The following TSPAN5 variants were observed in gnomAD, a reference collection of about 807,000 sequenced individuals.
TSPAN5 encodes the protein tetraspanin 5.
In TSPAN5, 10 loss-of-function variants were observed where a neutral mutation model predicts 37.1. The observed-to-expected ratio is 0.27, with a 90% CI of 0.17 to 0.46. The LOEUF (loss-of-function observed/expected upper bound fraction) is 0.46, where lower values mean the gene tolerates loss of function less well. Ranked by LOEUF, TSPAN5 falls within the 20% of genes least tolerant of loss-of-function variation. The pLI is 1.00. For synonymous variants in TSPAN5, 110 were observed against 118.9 expected (o/e 0.93, Z 0.48); for missense variants, 195 against 326.6 (o/e 0.60, Z 3.11).
intron 1 of TSPAN5, among the ~76,000 whole-genome samples, chr4:98,634,899 T>C (rs1054210467): frequency 6.6e-6 from 1 of 152,232 alleles, no homozygotes; most frequent in African/African-American, 2.4e-5. Flanking sequence ...GGGTTGGAAC[T>C]GAAATGGATC....
At chr4:98,478,534 G>A (rs1752757040) in intron 5 of TSPAN5, 151 bp downstream of exon 5, 1 of 873,516 alleles carries the variant, frequency 1.1e-6, no homozygotes, top group Non-Finnish European at 1.8e-6. Flanking sequence ...CTCCTACTAG[G>A]AAGATTTGAG....
intron 1 of TSPAN5, among the ~76,000 whole-genome samples, chr4:98,619,455 T>C (rs528386527): frequency 6.6e-6 from 1 of 152,344 alleles, no homozygotes; most frequent in South Asian, 2.1e-4. Flanking sequence ...GTGATGTTTA[T>C]GATATAAGCA....
intron 1 of TSPAN5, among the ~76,000 whole-genome samples, chr4:98,654,379 A>T (rs1377912520): frequency 6.6e-6 from 1 of 152,242 alleles, no homozygotes; most frequent in Non-Finnish European, 1.5e-5. Flanking sequence ...GCCAGAATCC[A>T]AAAGGGCAAA....
At chr4:98,658,087 G>A in intron 1 of TSPAN5, 59 bp downstream of exon 1, 1 of 1,464,078 alleles carries the variant, frequency 6.8e-7, no homozygotes, top group Non-Finnish European at 9.6e-7. Flanking sequence ...CAACGTGGGG[G>A]AAATCGTCGC....
rs193921080 is a variant in TSPAN5, at chr4:98,486,749, G to A, written c.268C>T (p.Leu90Phe). 1 of 1,614,040 alleles carries A rather than the reference G, an allele frequency of 6.2e-7. No individual in the cohort carries two copies. The highest frequency in any genetic ancestry group is 8.5e-7 in the Non-Finnish European group (1 of 1,180,002). ...AGTGGAATACTTACAAACTTGAGAA[G>A]GAAAGTGTTTTCCCGTAGCGCTCCA... is the stretch of plus-strand genomic sequence containing the variant. ...CIGALRENTF[L>F]LKFFSVFLGI... Residue 90 changes from leucine (L) to phenylalanine (F), a missense_variant, in exon 3 of 8, where the codon CTT (leucine) becomes TTT (phenylalanine). Transcript: ENST00000305798.
intron 4 of TSPAN5, among the ~76,000 whole-genome samples, chr4:98,480,029 T>C (rs1008370954): frequency 2.0e-5 from 3 of 152,286 alleles, no homozygotes; most frequent in East Asian, 1.9e-4. Flanking sequence ...TTGTTGGCAC[T>C]GCGTGACCAG....
At chr4:98,550,570 G>T in intron 1 of TSPAN5, among the ~76,000 whole-genome samples, 1 of 143,810 alleles carries the variant, frequency 7.0e-6, no homozygotes, top group South Asian at 2.2e-4. Context: ...TCGGTGTTTT[G>T]TAGTTCACCT....
At chr4:98,641,281 C>T (rs74648815) in intron 1 of TSPAN5, among the ~76,000 whole-genome samples, 3,330 of 152,238 alleles carry the variant, frequency 0.022, 127 homozygotes, top group African/African-American at 0.076. Context: ...AGGTTATGTT[C>T]GTCACCACAG....
intron 2 of TSPAN5, among the ~76,000 whole-genome samples, chr4:98,505,096 C>T (rs1276531264): frequency 6.6e-6 from 1 of 152,068 alleles, no homozygotes; most frequent in African/African-American, 2.4e-5. Flanking sequence ...GCCAAAGCTT[C>T]ACCTCCAAAT....
chr4:98,562,661 A>AAAAAC (rs371373013), intron 1 of TSPAN5, among the ~76,000 whole-genome samples: 9,815 of 151,084 alleles, frequency 0.065, 365 homozygotes, highest in South Asian at 0.15. Context: ...CTCTGTCTCA[A>AAAAAC]AAAACAAAAC....
At chr4:98,648,749 C>T (rs1019829968) in intron 1 of TSPAN5, among the ~76,000 whole-genome samples, 8 of 152,270 alleles carry the variant, frequency 5.3e-5, no homozygotes, top group Non-Finnish European at 1.2e-4. Context: ...AGCTCTCCCA[C>T]ACATCCCCTC....
intron 1 of TSPAN5, among the ~76,000 whole-genome samples, chr4:98,553,177 C>T (rs935168210): frequency 9.2e-5 from 14 of 152,148 alleles, no homozygotes; most frequent in Non-Finnish European, 1.6e-4. Flanking sequence ...TGTTAGATAA[C>T]ACTAGTATAA....
chr4:98,576,121 T>A (rs1755230844), intron 1 of TSPAN5, among the ~76,000 whole-genome samples: 3 of 151,806 alleles, frequency 2.0e-5, no homozygotes, highest in African/African-American at 4.9e-5. Context: ...CAGCCTCTGA[T>A]AACTTAGGTT....
At chr4:98,619,017 CAG>C (rs891663847) in intron 1 of TSPAN5, among the ~76,000 whole-genome samples, 6 of 152,180 alleles carry the variant, frequency 3.9e-5, no homozygotes, top group African/African-American at 7.2e-5. Context: ...CTAAATTCTA[CAG>C]AGAGTATTAA....
At chr4:98,536,579 C>T (rs1371758922) in intron 1 of TSPAN5, among the ~76,000 whole-genome samples, 2 of 152,262 alleles carry the variant, frequency 1.3e-5, no homozygotes, top group African/African-American at 4.8e-5. Context: ...ACATTTAAGT[C>T]TGCTGAAGCT....
At chr4:98,479,320 T>C (rs1578933026) in intron 4 of TSPAN5, among the ~76,000 whole-genome samples, 1 of 152,168 alleles carries the variant, frequency 6.6e-6, no homozygotes, top group African/African-American at 2.4e-5. Flanking sequence ...CCTGAAACTA[T>C]TGCTATGGAA....
intron 1 of TSPAN5, among the ~76,000 whole-genome samples, chr4:98,543,144 G>C (rs183340809): frequency 3.9e-5 from 6 of 152,232 alleles, no homozygotes; most frequent in African/African-American, 1.4e-4. Flanking sequence ...AAAATAAAAT[G>C]TGTAAAGTAT....
intron 1 of TSPAN5, among the ~76,000 whole-genome samples, chr4:98,556,420 C>T (rs940456331): frequency 7.9e-5 from 12 of 152,038 alleles, no homozygotes; most frequent in Middle Eastern, 3.2e-3. Context: ...TTTTTATGAA[C>T]GAGGAATAAT....
chr4:98,499,535 T>A (rs948242443), intron 2 of TSPAN5, among the ~76,000 whole-genome samples: 1 of 152,146 alleles, frequency 6.6e-6, no homozygotes, highest in Admixed American at 6.6e-5. Flanking sequence ...TAAAGGGGAA[T>A]ACATAGAGAA....
Sources: allele counts gnomAD v4.1 joint callset (sites outside exome capture counted in the v4.1 genomes callset), GRCh38; gene constraint gnomAD v4.1.1; transcripts MANE v1.5; gene names NCBI Gene and HGNC (gene_info 2026-07-23, HGNC 2026-07-21).